ADAMTS2: variants seen among roughly 807,000 people sequenced by gnomAD.
ADAMTS2 encodes the protein ADAM metallopeptidase with thrombospondin type 1 motif 2.
ADAMTS2 carries 50 observed loss-of-function variants against 123.0 expected under a neutral mutation model. The observed-to-expected ratio is 0.41, with a 90% CI of 0.32 to 0.51. The LOEUF (loss-of-function observed/expected upper bound fraction) is 0.51. Among genes scored for constraint, ADAMTS2 ranks in the 20% least tolerant of loss-of-function variants. The probability of loss-of-function intolerance (pLI) is 0.35; values close to 1 mark genes in which losing one functional copy is unlikely to be tolerated. For synonymous variants in ADAMTS2, 678 were observed against 695.4 expected, an observed-to-expected ratio of 0.98 and a Z score of 0.39; for missense variants, 1,494 against 1,705.2, an observed-to-expected ratio of 0.88 and a Z score of 2.18.
Position 179,113,587 on chromosome 5 carries a change from C to G in ADAMTS2, c.*280G>C. 1 of 492,692 alleles carries G rather than the reference C, an allele frequency of 2.0e-6. No individual in the cohort carries two copies. Among genetic ancestry groups the G allele is most frequent in the South Asian group, 2.1e-5 (1 of 47,078 alleles). The allele number at this position is 492,692 out of a possible 1,614,324, so 30.5% of individuals were successfully genotyped here. A position where few individuals can be genotyped will look rare whatever the true frequency, so the allele number is the denominator to read the frequency against. ...TTCTCTCAGAGTGATCCCTCTTGCC[C>G]TGCCCTCACTGAGGGAGGCCATACA... On this transcript the variant is annotated 3_prime_UTR_variant, in exon 22 of 22. Transcript: ENST00000251582.
intron 3 of ADAMTS2, among the ~76,000 whole-genome samples, chr5:179,259,191 C>T (rs1766148135): frequency 6.6e-6 from 1 of 152,198 alleles, no homozygotes; most frequent in Non-Finnish European, 1.5e-5. Context: ...AAGCCCCGTC[C>T]TCACCCCTCA....
At chr5:179,253,492 A>T (rs1209132269) in intron 3 of ADAMTS2, among the ~76,000 whole-genome samples, 1 of 152,060 alleles carries the variant, frequency 6.6e-6, no homozygotes, top group Non-Finnish European at 1.5e-5. Flanking sequence ...AAAAATACAA[A>T]AAAATTCGGG....
At chr5:179,288,180 G>C (rs1479278031) in intron 2 of ADAMTS2, among the ~76,000 whole-genome samples, 2 of 152,194 alleles carry the variant, frequency 1.3e-5, no homozygotes, top group South Asian at 2.1e-4. Context: ...TGCACACACA[G>C]AGCCTGTGCA....
In ADAMTS2 at chr5:179,189,603, C is replaced by T. The variant is rs530831520; in HGVS notation, c.892-8448G>A. On this transcript the variant is annotated intron_variant, in intron 4 of 21. Transcript: ENST00000251582. The surrounding 1 kb of genome is among the most constrained non-coding windows in gnomAD (Gnocchi z 4.2). Reference sequence around the variant, plus strand: ...TGATCTCCTGACTTCATGATCTGCCCGCCTCGGCCTCCCAAAGTGCTGGGA... The same window carrying T: ...TGATCTCCTGACTTCATGATCTGCCTGCCTCGGCCTCCCAAAGTGCTGGGA... Among the ~76,000 whole-genome samples, 1,346 of 148,850 alleles carry T rather than the reference C, an allele frequency of 9.0e-3. 10 individuals are homozygous for T. The highest frequency in any genetic ancestry group is 0.011 in the Non-Finnish European group (739 of 67,404).
chr5:179,341,573 C>T (rs963846128), intron 2 of ADAMTS2, among the ~76,000 whole-genome samples: 2 of 151,870 alleles, frequency 1.3e-5, no homozygotes, highest in African/African-American at 2.4e-5. Context: ...ATTAGCTGCA[C>T]GTGGTGGCAG....
intron 2 of ADAMTS2, among the ~76,000 whole-genome samples, chr5:179,288,245 G>A (rs1756084560): frequency 6.6e-6 from 1 of 152,164 alleles, no homozygotes; most frequent in Non-Finnish European, 1.5e-5. Context: ...GTGATCTCTG[G>A]GGCCCACTGT....
intron 3 of ADAMTS2, among the ~76,000 whole-genome samples, chr5:179,253,786 T>C (rs1218458321): frequency 2.0e-5 from 3 of 152,134 alleles, no homozygotes; most frequent in Non-Finnish European, 4.4e-5. Context: ...GGCCTCAGGC[T>C]CCTCACTTCC....
chr5:179,280,149 T>G (rs1381214767), intron 2 of ADAMTS2, among the ~76,000 whole-genome samples: 1 of 152,240 alleles, frequency 6.6e-6, no homozygotes, highest in Non-Finnish European at 1.5e-5. Context: ...TCCCTGGACC[T>G]GGTTTCAGGC....
At position 179,272,984 on chromosome 5, in the gene ADAMTS2, T is replaced by G; in HGVS notation, c.615A>C (p.Gln205His). Residue 205 changes from glutamine to histidine, a missense_variant, in exon 3 of 22, where the codon CAA becomes CAC. Transcript: ENST00000251582. This position sits in a 1 kb window ranked among gnomAD's most constrained non-coding sequence, Gnocchi z 5.8. ...GGCGATACACCACATGCACACGGCC[T>G]TGCTCAGCCTCCTGCGCCGCCAGCC... The part of the protein sequence containing the change: ...EKGLAAQEAE[Q>H]GRVHVVYRRP... 1.2e-6 allele frequency: 2 copies of G among 1,612,984 alleles called. No homozygotes were observed. Among genetic ancestry groups the G allele is most frequent in the Non-Finnish European group, 1.7e-6 (2 of 1,179,996 alleles).
At position 179,191,640 on chromosome 5, in the gene ADAMTS2, G is replaced by C. The variant is rs556718873; in HGVS notation, c.892-10485C>G. On this transcript the variant is annotated intron_variant, in intron 4 of 21. Coordinates refer to ENST00000251582, the MANE Select transcript of ADAMTS2 (RefSeq NM_014244.5). ...GGGGGCAGCAAGCAGCTGCCGGGGT[G>C]GGGGGCGGGCTGCTGAGCCCACACC... Among the ~76,000 whole-genome samples the C allele has an allele frequency of 4.6e-5, 7 of 151,880 alleles. No homozygotes were observed. In the South Asian group the frequency reaches 8.3e-4, roughly 18 times the overall value.
At chr5:179,200,830 G>T (rs1259447797) in intron 4 of ADAMTS2, among the ~76,000 whole-genome samples, 1 of 152,058 alleles carries the variant, frequency 6.6e-6, no homozygotes, top group African/African-American at 2.4e-5. Flanking sequence ...TAAAACAAAA[G>T]GTCAACAACA....
intron 5 of ADAMTS2, among the ~76,000 whole-genome samples, chr5:179,166,854 C>T (rs1413135475): frequency 1.3e-5 from 2 of 152,230 alleles, no homozygotes; most frequent in Non-Finnish European, 2.9e-5. Flanking sequence ...CCCACTCCTC[C>T]CTTCACGGAG....
At position 179,113,717 on chromosome 5, in the gene ADAMTS2, A is replaced by G; in HGVS notation, c.*150T>C. The G allele has an allele frequency of 2.5e-6, 2 of 812,194 alleles. No homozygotes were observed. The allele number at this position is 812,194 out of a possible 1,614,324, so 50.3% of individuals were successfully genotyped here. On this transcript the variant is annotated 3_prime_UTR_variant, in exon 22 of 22. Coordinates refer to ENST00000251582, the MANE Select transcript of ADAMTS2 (RefSeq NM_014244.5). ...ACCTAGTTACCACATGCTCATGCCT[A>G]TCTTTCTTACGTCATTCCCCCTCTT...
At chr5:179,269,420 CAGA>C (rs1445767095) in intron 3 of ADAMTS2, among the ~76,000 whole-genome samples, 5 of 152,030 alleles carry the variant, frequency 3.3e-5, no homozygotes, top group African/African-American at 1.2e-4. Flanking sequence ...ACAATCATGG[CAGA>C]AGATGAAAGG....
At chr5:179,227,216 T>G (rs193055048) in intron 3 of ADAMTS2, among the ~76,000 whole-genome samples, 1,880 of 152,196 alleles carry the variant, frequency 0.012, 43 homozygotes, top group African/African-American at 0.043. Flanking sequence ...AGGAGCTGAG[T>G]TCCAGGACAG....
chr5:179,314,205 G>A lies in ADAMTS2; in HGVS notation c.534+29562C>T, dbSNP rs1160425999. Reference sequence around the variant, plus strand: ...GCCAGGGCCAGGACTGGCATTTCCCGGGCTCCTGGTCCCATCCTGCCCCTC... The same window carrying A: ...GCCAGGGCCAGGACTGGCATTTCCCAGGCTCCTGGTCCCATCCTGCCCCTC... On this transcript the variant is annotated intron_variant, in intron 2 of 21. Transcript: ENST00000251582. The surrounding 1 kb of genome is among the most constrained non-coding windows in gnomAD (Gnocchi z 4.5). Among the ~76,000 whole-genome samples the A allele has an allele frequency of 2.0e-5, 3 of 152,350 alleles. No individual in the cohort carries two copies. The highest frequency in any genetic ancestry group is 1.9e-4 in the East Asian group (1 of 5,190).
At chr5:179,116,260 A>ACCCCC (rs146306326) in intron 21 of ADAMTS2, among the ~76,000 whole-genome samples, 38 of 93,774 alleles carry the variant, frequency 4.1e-4, no homozygotes, top group African/African-American at 6.7e-4. Context: ...TGACCACGGC[A>ACCCCC]CCCCCCCCCC....
intron 13 of ADAMTS2, among the ~76,000 whole-genome samples, 182 bp downstream of exon 13, chr5:179,135,727 C>G (rs977628238): frequency 1.3e-5 from 2 of 152,190 alleles, no homozygotes; most frequent in African/African-American, 4.8e-5. Flanking sequence ...GTCTCAGGCT[C>G]CCAGCACAGG....
At chr5:179,265,199 G>A (rs1766336049) in intron 3 of ADAMTS2, among the ~76,000 whole-genome samples, 1 of 152,174 alleles carries the variant, frequency 6.6e-6, no homozygotes, top group Admixed American at 6.5e-5. Context: ...GCCAAGCCAG[G>A]GCCAAGGCCA....
Sources: allele counts gnomAD v4.1 joint callset (sites outside exome capture counted in the v4.1 genomes callset), GRCh38; gene constraint gnomAD v4.1.1; non-coding constraint Gnocchi (gnomAD v3.1); transcripts MANE v1.5; gene names NCBI Gene and HGNC (gene_info 2026-07-23, HGNC 2026-07-21).